Variants in PLD5 observed in about 807,000 individuals in gnomAD.
The protein encoded by PLD5 is inactive phospholipase D5.
PLD5 carries 36 observed loss-of-function variants against 61.1 expected under a neutral mutation model. The observed-to-expected ratio is 0.59, with a 90% CI of 0.45 to 0.78. PLD5 has a LOEUF of 0.78. Among genes scored for constraint, PLD5 ranks in the 30% least tolerant of loss-of-function variants. The pLI is 0.00. For synonymous variants in PLD5, 243 were observed against 242.8 expected, an observed-to-expected ratio of 1.00 and a Z score of -0.01; for missense variants, 515 against 644.4, an observed-to-expected ratio of 0.80 and a Z score of 2.17.
chr1:242,379,558 T>C lies in PLD5; in HGVS notation c.190-31316A>G, dbSNP rs750927273. Among the ~76,000 whole-genome samples, 4 of 152,278 alleles carry C rather than the reference T, an allele frequency of 2.6e-5. No homozygotes were observed. In the South Asian group the frequency reaches 8.3e-4, roughly 32 times the overall value. On this transcript the variant is annotated intron_variant, in intron 1 of 9. Coordinates refer to ENST00000536534, the MANE Select transcript of PLD5 (RefSeq NM_001372062.1). ...ACAATAGCATCCAGGAAAAGTTTTA[T>C]GGGCATACAATCGACAGTAGTTACA...
At chr1:242,208,680 T>C (rs897577067) in intron 5 of PLD5, among the ~76,000 whole-genome samples, 7 of 152,204 alleles carry the variant, frequency 4.6e-5, no homozygotes, top group African/African-American at 1.7e-4. Flanking sequence ...GGGAGGTTGC[T>C]AAGCTACAGG....
At chr1:242,427,996 T>C (rs1176011245) in intron 1 of PLD5, among the ~76,000 whole-genome samples, 1 of 152,224 alleles carries the variant, frequency 6.6e-6, no homozygotes, top group African/African-American at 2.4e-5. Context: ...CAGAGCTGAT[T>C]CCCTTATGAG....
intron 5 of PLD5, among the ~76,000 whole-genome samples, chr1:242,145,252 T>C (rs1424197236): frequency 6.6e-6 from 1 of 152,130 alleles, no homozygotes; most frequent in Non-Finnish European, 1.5e-5. Context: ...GACATAAACT[T>C]GAGAACCATC....
At chr1:242,452,038 T>A (rs1666799343) in intron 1 of PLD5, among the ~76,000 whole-genome samples, 2 of 152,052 alleles carry the variant, frequency 1.3e-5, no homozygotes, top group Admixed American at 6.6e-5. Context: ...GTCTGCGCCA[T>A]CTCCCTTGAC....
chr1:242,503,776 T>A lies in PLD5; in HGVS notation c.189+20312A>T, dbSNP rs140163792. ...AGGTCAAGTGCTCTCTTTTGGCCTT[T>A]GAATTTTTTTTTTAAATGAGGATAT... On this transcript the variant is annotated intron_variant, in intron 1 of 9. Transcript: ENST00000536534. 1.1e-3 allele frequency among the ~76,000 whole-genome samples: 171 copies of A among 152,308 alleles called. 1 individual carries two copies. Among genetic ancestry groups the A allele is most frequent in the African/African-American group, 3.9e-3 (163 of 41,578 alleles).
chr1:242,411,161 CTAAT>C (rs1664527944), intron 1 of PLD5, among the ~76,000 whole-genome samples: 1 of 152,200 alleles, frequency 6.6e-6, no homozygotes, highest in Non-Finnish European at 1.5e-5. Context: ...CCTTCCAACT[CTAAT>C]TGATATATGA....
At chr1:242,322,993 T>C (rs1658516509) in intron 2 of PLD5, among the ~76,000 whole-genome samples, 3 of 152,138 alleles carry the variant, frequency 2.0e-5, no homozygotes, top group African/African-American at 7.2e-5. Flanking sequence ...GGGCAGACAG[T>C]CTCTCTCTCC....
At chr1:242,494,313 C>A (rs1169641486) in intron 1 of PLD5, among the ~76,000 whole-genome samples, 1 of 152,200 alleles carries the variant, frequency 6.6e-6, no homozygotes, top group Admixed American at 6.5e-5. Flanking sequence ...ATGTGGCAGC[C>A]CCCATTTAAA....
intron 1 of PLD5, among the ~76,000 whole-genome samples, chr1:242,408,542 G>T (rs138748269): frequency 2.0e-4 from 30 of 152,138 alleles, no homozygotes; most frequent in African/African-American, 7.0e-4. Context: ...TCCCCTCATT[G>T]CTCTCTCGTT....
intron 1 of PLD5, among the ~76,000 whole-genome samples, chr1:242,499,787 C>T (rs1431136238): frequency 6.6e-6 from 1 of 151,752 alleles, no homozygotes; most frequent in Non-Finnish European, 1.5e-5. Context: ...AGGAATTTGG[C>T]AGGGCCCAGG....
chr1:242,416,119 G>C (rs1177497374), intron 1 of PLD5, among the ~76,000 whole-genome samples: 1 of 151,704 alleles, frequency 6.6e-6, no homozygotes, highest in Non-Finnish European at 1.5e-5. Context: ...GATCAGTTCA[G>C]GTGTCTTGGT....
In PLD5 at chr1:242,219,890, T is replaced by A. The variant is rs1670452229; in HGVS notation, c.735+98A>T. 5 of 1,430,122 alleles carry A rather than the reference T, an allele frequency of 3.5e-6. No individual in the cohort carries two copies. The South Asian group carries it at 7.3e-5, about 21-fold the overall frequency. The allele number at this position is 1,430,122 out of a possible 1,614,324, so 88.6% of individuals were successfully genotyped here. On this transcript the variant is annotated intron_variant, in intron 5 of 9. Transcript: ENST00000536534. Reference sequence around the variant, plus strand: ...AACTACAGTTAAGAATAATAAATGCTGTAGGTTTTAGGATCCTTATCTGCA... The same window carrying A: ...AACTACAGTTAAGAATAATAAATGCAGTAGGTTTTAGGATCCTTATCTGCA...
At chr1:242,128,538 G>T (rs1337140644) in intron 5 of PLD5, among the ~76,000 whole-genome samples, 1 of 152,196 alleles carries the variant, frequency 6.6e-6, no homozygotes, top group Admixed American at 6.5e-5. Context: ...CGTTCAGGCT[G>T]CTGTTGAAGA....
chr1:242,391,992 G>A (rs1323313642), intron 1 of PLD5, among the ~76,000 whole-genome samples: 3 of 152,090 alleles, frequency 2.0e-5, no homozygotes, highest in Non-Finnish European at 4.4e-5. Flanking sequence ...AATAGCAAAG[G>A]CATGGAATCA....
intron 7 of PLD5, among the ~76,000 whole-genome samples, chr1:242,111,472 G>GT (rs1004504921): frequency 1.4e-4 from 21 of 150,866 alleles, no homozygotes; most frequent in East Asian, 7.8e-4. Context: ...AATAGTGTCT[G>GT]TTTTTTTTTA....
chr1:242,142,187 T>C (rs541290251), intron 5 of PLD5, among the ~76,000 whole-genome samples: 1 of 152,344 alleles, frequency 6.6e-6, no homozygotes, highest in South Asian at 2.1e-4. Context: ...CTTAAGGCTT[T>C]TTCTTTTGTG....
intron 5 of PLD5, among the ~76,000 whole-genome samples, chr1:242,161,947 C>A (rs1437432078): frequency 6.6e-6 from 1 of 152,164 alleles, no homozygotes; most frequent in African/African-American, 2.4e-5. Flanking sequence ...CATCTCGGAA[C>A]AACAGACACA....
At chr1:242,365,507 G>T in intron 1 of PLD5, 1 of 162,812 alleles carries the variant, frequency 6.1e-6, no homozygotes, top group East Asian at 1.8e-4. Flanking sequence ...GAAGTAGGAT[G>T]CTCTTTTGGC....
intron 5 of PLD5, among the ~76,000 whole-genome samples, chr1:242,139,127 T>C (rs1663966987): frequency 1.3e-5 from 2 of 152,200 alleles, no homozygotes; most frequent in African/African-American, 2.4e-5. Flanking sequence ...TTCATGCTTA[T>C]TATGGACACT....
Sources: allele counts gnomAD v4.1 joint callset (sites outside exome capture counted in the v4.1 genomes callset), GRCh38; gene constraint gnomAD v4.1.1; transcripts MANE v1.5; gene names NCBI Gene and HGNC (gene_info 2026-07-23, HGNC 2026-07-21).